Variants in ZNF558 observed in about 807,000 individuals in gnomAD.
ZNF558 encodes zinc finger protein 558.
ZNF558 carries 23 observed loss-of-function variants against 37.6 expected under a neutral mutation model. That is an observed-to-expected ratio of 0.61 (90% CI 0.44 to 0.87). The LOEUF is 0.87. Ranked by LOEUF, ZNF558 falls within the 40% of genes least tolerant of loss-of-function variation. ZNF558 has a pLI of 0.00. For synonymous variants in ZNF558, 189 were observed against 174.4 expected (o/e 1.08, Z -0.66); for missense variants, 429 against 483.7 (o/e 0.89, Z 1.06).
rs1249297096 is a variant in ZNF558, at chr19:8,824,244, CTGTGGAGAGGCCTA to C, written c.-242_-229del. On this transcript the variant is annotated 5_prime_UTR_variant, in exon 4 of 10. An upstream open reading frame in the 5' UTR loses its in-frame stop. Transcript: ENST00000601372. ...ATGGTGGGAAGACGCTCAAGTGGCCCTGTGGAGAGGCCTATGTGGAGAGGAACTGAGGCCTCCCA... is the reference window on the plus strand; with the variant it reads ...ATGGTGGGAAGACGCTCAAGTGGCCCTGTGGAGAGGAACTGAGGCCTCCCA... 1.3e-5 allele frequency: 2 copies of C among 152,290 alleles called. No homozygotes were observed. The highest frequency in any genetic ancestry group is 6.5e-5 in the Admixed American group (1 of 15,284). 9.4% of individuals were successfully genotyped at this position (152,290 alleles called of 1,614,324 possible). A position where few individuals can be genotyped will look rare whatever the true frequency, so the allele number is the denominator to read the frequency against.
intron 6 of ZNF558, chr19:8,821,565 T>G (rs72998065): frequency 1.1e-4 from 158 of 1,406,578 alleles, no homozygotes; most frequent in Middle Eastern, 8.0e-4. Flanking sequence ...CCAGGTCCAG[T>G]GCACAGTACC....
At chr19:8,813,996 CAG>C (rs1197520317) in intron 7 of ZNF558, among the ~76,000 whole-genome samples, 13 of 152,326 alleles carry the variant, frequency 8.5e-5, no homozygotes, top group African/African-American at 3.1e-4. Context: ...ATGACAGTGA[CAG>C]TGGTGGAGGA....
chr19:8,835,471 C>A (rs189101799), upstream of ZNF558, among the ~76,000 whole-genome samples: 138 of 152,174 alleles, frequency 9.1e-4, no homozygotes, highest in African/African-American at 3.3e-3. Context: ...ATCAAAACTT[C>A]AATAAAATAC....
At chr19:8,831,063 T>C (rs965635227) in intron 2 of ZNF558, 1 of 152,238 alleles carries the variant, frequency 6.6e-6, no homozygotes, top group African/African-American at 2.4e-5. Context: ...AATCTGTCTT[T>C]AGCTACAGTT....
At position 8,822,754 on chromosome 19, in the gene ZNF558, C is replaced by T. The variant is rs972569745; in HGVS notation, c.-65-30G>A. On this transcript the variant is annotated intron_variant, in intron 4 of 9. Transcript: ENST00000601372. This position sits in a 1 kb window ranked among gnomAD's most constrained non-coding sequence, Gnocchi z 4.4. ...AAGAAACGGGAATGCTCCAAGTCTC[C>T]GTGGCCTCCTCCCTCTCGGGCTGCT... 1.8e-5 allele frequency: 29 copies of T among 1,595,968 alleles called. No homozygotes were observed. Among genetic ancestry groups the T allele is most frequent in the African/African-American group, 9.4e-5 (7 of 74,642 alleles).
At chr19:8,818,201 C>A (rs758358127) in intron 7 of ZNF558, among the ~76,000 whole-genome samples, 4 of 152,118 alleles carry the variant, frequency 2.6e-5, no homozygotes, top group Non-Finnish European at 5.9e-5. Context: ...CGCCTGAAAT[C>A]CCAGCACTTT....
Position 8,822,741 on chromosome 19 carries a change from T to C in ZNF558, c.-65-17A>G, listed in dbSNP as rs565539027. 2.5e-6 allele frequency: 4 copies of C among 1,609,608 alleles called. No individual in the cohort carries two copies. The African/African-American group carries it at 4.0e-5, about 16-fold the overall frequency. ...CGCAGCGCTCTGGAAGAAACGGGAATGCTCCAAGTCTCCGTGGCCTCCTCC... is the reference window on the plus strand; with the variant it reads ...CGCAGCGCTCTGGAAGAAACGGGAACGCTCCAAGTCTCCGTGGCCTCCTCC... On this transcript the variant is annotated splice_polypyrimidine_tract_variant and intron_variant, in intron 4 of 9. Transcript: ENST00000601372. This position sits in a 1 kb window ranked among gnomAD's most constrained non-coding sequence, Gnocchi z 4.4.
chr19:8,808,466 A>T lies in ZNF558; in HGVS notation c.*2815T>A, dbSNP rs1299885255. The T allele has an allele frequency of 1.3e-5, 2 of 152,206 alleles. No individual in the cohort carries two copies. Among genetic ancestry groups the T allele is most frequent in the Admixed American group, 1.3e-4 (2 of 15,274 alleles). 9.4% of individuals were successfully genotyped at this position (152,206 alleles called of 1,614,324 possible). ...ATGTCAAAATATATAAAAATGACAA[A>T]ATTACAGTGTTAATACATAAACATA... On this transcript the variant is annotated 3_prime_UTR_variant, in exon 10 of 10. Transcript: ENST00000601372.
At chr19:8,823,442 C>CACTCCTGCCTCGGTCACCCA (rs71278506) in intron 4 of ZNF558, among the ~76,000 whole-genome samples, 1 of 109,094 alleles carries the variant, frequency 9.2e-6, no homozygotes, top group Admixed American at 9.0e-5. Context: ...TCGGTCACCC[C>CACTCCTGCCTCGGTCACCCA]CCTCCTGCCT....
chr19:8,837,411 A>G, the ZNF558 span, among the ~76,000 whole-genome samples: 3 of 152,360 alleles, frequency 2.0e-5, no homozygotes, highest in East Asian at 1.9e-4. Flanking sequence ...TTAAATTACA[A>G]TCGGGATATA....
At position 8,824,254 on chromosome 19, in the gene ZNF558, G is replaced by C. The variant is rs2044179035; in HGVS notation, c.-238C>G. ...GACGCTCAAGTGGCCCTGTGGAGAG[G>C]CCTATGTGGAGAGGAACTGAGGCCT... On this transcript the variant is annotated 5_prime_UTR_variant, in exon 4 of 10. Coordinates refer to ENST00000601372, the MANE Select transcript of ZNF558 (RefSeq NM_144693.3). 2 of 152,276 alleles carry C rather than the reference G, an allele frequency of 1.3e-5. No individual in the cohort carries two copies. Among genetic ancestry groups the C allele is most frequent in the Admixed American group, 1.3e-4 (2 of 15,270 alleles). 9.4% of individuals were successfully genotyped at this position (152,276 alleles called of 1,614,324 possible). A position where few individuals can be genotyped will look rare whatever the true frequency, so the allele number is the denominator to read the frequency against.
At chr19:8,828,115 A>G (rs1443327980) in intron 2 of ZNF558, among the ~76,000 whole-genome samples, 1 of 152,224 alleles carries the variant, frequency 6.6e-6, no homozygotes, top group Non-Finnish European at 1.5e-5. Flanking sequence ...TGGGAAAATA[A>G]AGGAAAATCC....
chr19:8,818,235 C>T lies in ZNF558; in HGVS notation c.247+2945G>A, dbSNP rs777371017. ...TTGGGAGGTCGAGGTGGGTGGATCA[C>T]GAGGTCAAGAGATTGAGACCATCCC... On this transcript the variant is annotated intron_variant, in intron 7 of 9. Coordinates refer to ENST00000601372, the MANE Select transcript of ZNF558 (RefSeq NM_144693.3). Among the ~76,000 whole-genome samples, 6 of 152,014 alleles carry T rather than the reference C, an allele frequency of 3.9e-5. No individual in the cohort carries two copies. The South Asian group carries it at 1.0e-3, about 26-fold the overall frequency.
chr19:8,835,767 A>C (rs192062955), upstream of ZNF558, among the ~76,000 whole-genome samples: 1 of 152,242 alleles, frequency 6.6e-6, no homozygotes, highest in South Asian at 2.1e-4. Flanking sequence ...AAAATTTTGT[A>C]TGTCCCAAAT....
At chr19:8,821,697 A>T in intron 6 of ZNF558, 1 of 1,305,012 alleles carries the variant, frequency 7.7e-7, no homozygotes, top group East Asian at 3.4e-5. Context: ...TAAGTGAATG[A>T]CTGATTTCCG....
chr19:8,825,339 T>C (rs2044207569), intron 2 of ZNF558, among the ~76,000 whole-genome samples: 1 of 152,140 alleles, frequency 6.6e-6, no homozygotes, highest in Non-Finnish European at 1.5e-5. Context: ...GGTGCAAAAG[T>C]GATTGCGGTT....
chr19:8,834,134 C>G (rs910692604), upstream of ZNF558, among the ~76,000 whole-genome samples: 3 of 152,144 alleles, frequency 2.0e-5, no homozygotes, highest in Non-Finnish European at 4.4e-5. Flanking sequence ...GTTTCATGCA[C>G]CCGTCCTTTC....
chr19:8,822,705 C>A lies in ZNF558; in HGVS notation c.-46G>T. 6.2e-7 allele frequency: 1 copy of A among 1,613,930 alleles called. No homozygotes were observed. The highest frequency in any genetic ancestry group is 1.7e-4 in the Middle Eastern group (1 of 6,060). On this transcript the variant is annotated 5_prime_UTR_variant, in exon 5 of 10. In the 5' UTR this introduces an upstream ATG that the reference lacks. Coordinates refer to ENST00000601372, the MANE Select transcript of ZNF558 (RefSeq NM_144693.3). The surrounding 1 kb of genome is among the most constrained non-coding windows in gnomAD (Gnocchi z 4.4). Reference sequence around the variant, plus strand: ...AGGGCAGCCGGGAAGCAGGACGCTCCTCCTTTATCCCGCAGCGCTCTGGAA... The same window carrying A: ...AGGGCAGCCGGGAAGCAGGACGCTCATCCTTTATCCCGCAGCGCTCTGGAA...
chr19:8,822,069 G>A lies in ZNF558; in HGVS notation c.54C>T (p.Ala18=). 1 of 1,614,112 alleles carries A rather than the reference G, an allele frequency of 6.2e-7. No homozygotes were observed. Among genetic ancestry groups the A allele is most frequent in the Non-Finnish European group, 8.5e-7 (1 of 1,179,972 alleles). The change falls in exon 6 of 10, where the codon GCC becomes GCT. Residue 18 remains alanine, a synonymous_variant. Transcript: ENST00000601372. The surrounding 1 kb of genome is among the most constrained non-coding windows in gnomAD (Gnocchi z 4.4). ...CCTGTGTGTGTCCTTTTTGCTGAGA[G>A]GCTGGGAACAGGGAAGACGGAGCTG... ...STAAPSSLFP[A]SQQKGHTQGG... is the part of the protein sequence containing the mutation.
Sources: gnomAD v4.1 joint callset for allele counts (sites outside exome capture counted in the v4.1 genomes callset) on GRCh38, gnomAD v4.1.1 for gene constraint, Gnocchi (gnomAD v3.1) non-coding constraint, MANE v1.5 for transcripts, NCBI Gene and HGNC (gene_info 2026-07-23, HGNC 2026-07-21) for gene names.